The following ACSM1 variants were observed in gnomAD, a reference collection of about 807,000 sequenced individuals.
ACSM1 encodes acyl-coenzyme A synthetase ACSM1, mitochondrial.
ACSM1 carries 79 observed loss-of-function variants against 75.8 expected under a neutral mutation model. That is an observed-to-expected ratio of 1.04 (90% CI 0.87 to 1.26). The LOEUF (loss-of-function observed/expected upper bound fraction) is 1.26. Among genes scored for constraint, ACSM1 ranks in the 50% most tolerant of loss-of-function variants. The pLI, the probability that ACSM1 is intolerant of heterozygous loss-of-function variation, is 0.00. For missense variants in ACSM1, 676 were observed against 720.1 expected (o/e 0.94, Z 0.70); for synonymous variants, 279 against 265.8 (o/e 1.05, Z -0.48).
At chr16:20,671,844 T>C (rs1037600757) in intron 4 of ACSM1, among the ~76,000 whole-genome samples, 173 bp from the exon 5 acceptor site, 1 of 152,206 alleles carries the variant, frequency 6.6e-6, no homozygotes, top group Non-Finnish European at 1.5e-5. Flanking sequence ...GATTCGGACA[T>C]GTGGACCAGC....
intron 7 of ACSM1, among the ~76,000 whole-genome samples, chr16:20,644,286 C>T (rs558104568): frequency 6.6e-6 from 1 of 152,204 alleles, no homozygotes; most frequent in Non-Finnish European, 1.5e-5. Context: ...TAATTGTGAG[C>T]ACACCTCACC....
chr16:20,633,831 A>G (rs1224778097), intron 10 of ACSM1, among the ~76,000 whole-genome samples: 1 of 152,178 alleles, frequency 6.6e-6, no homozygotes, highest in Non-Finnish European at 1.5e-5. Context: ...AGGAGTTCAA[A>G]ACAAACCTGG....
At chr16:20,634,673 G>C (rs1422361235) in intron 10 of ACSM1, among the ~76,000 whole-genome samples, 1 of 152,166 alleles carries the variant, frequency 6.6e-6, no homozygotes, top group African/African-American at 2.4e-5. Context: ...AAGCAGATTA[G>C]AGATTATCAT....
intron 13 of ACSM1, 148 bp downstream of exon 13, chr16:20,623,948 G>T: frequency 8.1e-7 from 1 of 1,235,978 alleles, no homozygotes; most frequent in Non-Finnish European, 1.1e-6. Flanking sequence ...GGAGAGCCAT[G>T]GAGGACATGA....
chr16:20,677,570 T>C (rs1289857357), intron 4 of ACSM1, among the ~76,000 whole-genome samples: 2 of 152,170 alleles, frequency 1.3e-5, no homozygotes, highest in African/African-American at 2.4e-5. Context: ...ATGTGATAGA[T>C]GAAGTGTTCT....
chr16:20,664,188 GCCC>G (rs1567286288), intron 6 of ACSM1, among the ~76,000 whole-genome samples: 2 of 26,428 alleles, frequency 7.6e-5, no homozygotes, highest in African/African-American at 2.1e-4. Flanking sequence ...TGGTCTAAAT[GCCC>G]CCTTTAAAAG....
At chr16:20,682,515 G>T in intron 3 of ACSM1, 52 bp from the exon 4 acceptor site, 1 of 1,480,984 alleles carries the variant, frequency 6.8e-7, no homozygotes, top group Non-Finnish European at 9.4e-7. Context: ...ACAACCATGG[G>T]CTTTAGACTT....
At chr16:20,660,916 TAA>T (rs2019263267) in intron 7 of ACSM1, among the ~76,000 whole-genome samples, 1 of 152,140 alleles carries the variant, frequency 6.6e-6, no homozygotes, top group Non-Finnish European at 1.5e-5. Flanking sequence ...CAAAAATTAA[TAA>T]GTCTGACAAT....
chr16:20,667,925 C>T (rs1174149738), intron 6 of ACSM1, among the ~76,000 whole-genome samples: 1 of 152,082 alleles, frequency 6.6e-6, no homozygotes, highest in African/African-American at 2.4e-5. Context: ...TCATTTTTTT[C>T]TCACTTATAA....
At chr16:20,694,987 A>G (rs2079681925) in intron 1 of ACSM1, among the ~76,000 whole-genome samples, 1 of 152,162 alleles carries the variant, frequency 6.6e-6, no homozygotes, top group Non-Finnish European at 1.5e-5. Flanking sequence ...GAGAAAATCA[A>G]TTTCTGTTGT....
intron 7 of ACSM1, among the ~76,000 whole-genome samples, chr16:20,645,524 G>A (rs185847870): frequency 7.2e-5 from 11 of 152,292 alleles, no homozygotes; most frequent in Admixed American, 3.3e-4. Flanking sequence ...GATGTTTTAC[G>A]AGGGTTGGGA....
chr16:20,664,002 A>AT (rs1235009876), intron 6 of ACSM1, among the ~76,000 whole-genome samples: 1 of 152,116 alleles, frequency 6.6e-6, no homozygotes, highest in African/African-American at 2.4e-5. Context: ...GTTGTAATCT[A>AT]TGACTACTCC....
intron 6 of ACSM1, among the ~76,000 whole-genome samples, chr16:20,664,240 G>A (rs1380170953): frequency 1.3e-5 from 2 of 151,616 alleles, no homozygotes; most frequent in African/African-American, 2.4e-5. Flanking sequence ...ATACCCAACT[G>A]TCTTCTGTCT....
At chr16:20,630,306 C>T (rs2017268832) in intron 10 of ACSM1, among the ~76,000 whole-genome samples, 1 of 151,956 alleles carries the variant, frequency 6.6e-6, no homozygotes, top group Non-Finnish European at 1.5e-5. Context: ...AGGCTGGTCT[C>T]AAACTCCTGA....
chr16:20,683,704 T>TCG, intron 3 of ACSM1, among the ~76,000 whole-genome samples: 1 of 97,160 alleles, frequency 1.0e-5, no homozygotes, highest in Non-Finnish European at 2.2e-5. Context: ...TCTTTCTTTC[T>TCG]CTCTCTCTCT....
At chr16:20,627,648 G>C (rs1022306508) in intron 10 of ACSM1, among the ~76,000 whole-genome samples, 1 of 151,940 alleles carries the variant, frequency 6.6e-6, no homozygotes, top group African/African-American at 2.4e-5. Flanking sequence ...GCCCAACATA[G>C]TGAAACCCCA....
At chr16:20,634,264 A>C (rs888696517) in intron 10 of ACSM1, among the ~76,000 whole-genome samples, 6 of 152,242 alleles carry the variant, frequency 3.9e-5, no homozygotes, top group African/African-American at 1.4e-4. Context: ...TGGTGCAGCC[A>C]TTGTGAAAGT....
chr16:20,676,363 A>C (rs1176726344), intron 4 of ACSM1, among the ~76,000 whole-genome samples: 1 of 152,194 alleles, frequency 6.6e-6, no homozygotes, highest in African/African-American at 2.4e-5. Flanking sequence ...AAAATCTCAG[A>C]GGTGCTCCAG....
rs1172711043 is a variant in ACSM1 at position 20,627,983 on chromosome 16, TGCTATAA to T, written c.1300-674_1300-668del. 4.1e-5 allele frequency among the ~76,000 whole-genome samples: 6 copies of T among 147,834 alleles called. No homozygotes were observed. The South Asian group carries it at 1.1e-3, about 26-fold the overall frequency. ...CCATTATGGTGTGAACCTTGCTTAC[TGCTATAA>T]GCTCAGCATTCACATAGAGCCTGGA... On this transcript the variant is annotated intron_variant, in intron 10 of 13. Coordinates refer to ENST00000520010, the MANE Select transcript of ACSM1 (RefSeq NM_001318890.3).
Sources: allele counts gnomAD v4.1 joint callset (sites outside exome capture counted in the v4.1 genomes callset), GRCh38; gene constraint gnomAD v4.1.1; transcripts MANE v1.5; gene names NCBI Gene and HGNC (gene_info 2026-07-23, HGNC 2026-07-21).